The following NRG3 variants were observed in gnomAD, a reference collection of about 807,000 sequenced individuals.
NRG3 encodes neuregulin 3.
NRG3 carries 31 observed loss-of-function variants against 66.9 expected under a neutral mutation model. The ratio of observed to expected loss-of-function variants is 0.46; its 90% confidence interval spans 0.35 to 0.63. NRG3 has a LOEUF of 0.63. NRG3 is among the 20% of genes least tolerant of loss of function. The pLI, the probability that NRG3 is intolerant of heterozygous loss-of-function variation, is 0.00. For synonymous variants in NRG3, 393 were observed against 359.4 expected (o/e 1.09, Z -1.06); for missense variants, 910 against 878.9 (o/e 1.04, Z -0.45).
chr10:82,755,973 C>T (rs2059060962), intron 3 of NRG3, among the ~76,000 whole-genome samples: 1 of 152,124 alleles, frequency 6.6e-6, no homozygotes, highest in Admixed American at 6.6e-5. Context: ...AGTGTTCTTG[C>T]ACCTTGCAGT....
At chr10:82,048,450 C>T (rs1307929371) in intron 1 of NRG3, among the ~76,000 whole-genome samples, 2 of 152,052 alleles carry the variant, frequency 1.3e-5, no homozygotes, top group Admixed American at 6.6e-5. Flanking sequence ...GAGACTCACT[C>T]AAAACCGCAC....
chr10:82,256,790 A>G (rs963729207), intron 1 of NRG3, among the ~76,000 whole-genome samples: 2 of 152,202 alleles, frequency 1.3e-5, no homozygotes, highest in Non-Finnish European at 2.9e-5. Context: ...CCCTTTAGGC[A>G]ATGGAAGAGG....
intron 1 of NRG3, among the ~76,000 whole-genome samples, chr10:82,300,335 G>A (rs920918278): frequency 6.6e-6 from 1 of 152,130 alleles, no homozygotes; most frequent in African/African-American, 2.4e-5. Flanking sequence ...ATTAATAGAT[G>A]ATGGTTTCTT....
At chr10:82,085,626 C>T (rs2065673583) in intron 1 of NRG3, among the ~76,000 whole-genome samples, 1 of 151,962 alleles carries the variant, frequency 6.6e-6, no homozygotes, top group African/African-American at 2.4e-5. Flanking sequence ...AAGACATTAA[C>T]CCATTCACCT....
At chr10:82,363,648 G>A (rs1212719647) in intron 2 of NRG3, among the ~76,000 whole-genome samples, 2 of 151,918 alleles carry the variant, frequency 1.3e-5, no homozygotes, top group Admixed American at 6.6e-5. Context: ...TAGTAGAGAC[G>A]GGGTTTCACT....
chr10:81,952,893 C>T (rs954066071), intron 1 of NRG3, among the ~76,000 whole-genome samples: 8 of 152,066 alleles, frequency 5.3e-5, no homozygotes, highest in Non-Finnish European at 8.8e-5. Context: ...CCACGCTTGG[C>T]CTCAATCCTG....
At chr10:82,739,492 T>C (rs1345569251) in intron 3 of NRG3, among the ~76,000 whole-genome samples, 2 of 152,230 alleles carry the variant, frequency 1.3e-5, no homozygotes, top group Non-Finnish European at 2.9e-5. Context: ...CAGACTTCAG[T>C]AAATATTTTG....
At chr10:82,100,525 C>T (rs964401149) in intron 1 of NRG3, among the ~76,000 whole-genome samples, 2 of 152,008 alleles carry the variant, frequency 1.3e-5, no homozygotes, top group African/African-American at 2.4e-5. Flanking sequence ...CATTTGTTTT[C>T]TTTTGGTGTG....
At chr10:82,145,841 T>C (rs560548023) in intron 1 of NRG3, among the ~76,000 whole-genome samples, 40 of 152,214 alleles carry the variant, frequency 2.6e-4, no homozygotes, top group South Asian at 1.4e-3. Flanking sequence ...GTTTTTTTTT[T>C]CCCATATTCA....
chr10:82,374,679 CTG>C (rs1246888262), intron 2 of NRG3, among the ~76,000 whole-genome samples: 1 of 152,112 alleles, frequency 6.6e-6, no homozygotes, highest in Non-Finnish European at 1.5e-5. Flanking sequence ...CAAGTGATGA[CTG>C]TGCTGTGGGT....
chr10:82,957,423 GA>G (rs754826657), intron 5 of NRG3, among the ~76,000 whole-genome samples: 16 of 151,902 alleles, frequency 1.1e-4, no homozygotes, highest in Admixed American at 7.2e-4. Context: ...CTTTGTCAGA[GA>G]CGTTGGAAGA....
rs561593283 is a variant in NRG3, at chr10:82,821,143, A to G, written c.1028-44268A>G. Among the ~76,000 whole-genome samples the G allele has an allele frequency of 2.0e-5, 3 of 152,252 alleles. No individual in the cohort carries two copies. In the South Asian group the frequency reaches 6.2e-4, roughly 32 times the overall value. On this transcript the variant is annotated intron_variant, in intron 3 of 8. Transcript: ENST00000372141. ...CAAGCACTATCACAGAGTCAGATGGACCTTAACTCACCTGAGCAAAGGCAA... is the reference window on the plus strand; with the variant it reads ...CAAGCACTATCACAGAGTCAGATGGGCCTTAACTCACCTGAGCAAAGGCAA...
intron 1 of NRG3, among the ~76,000 whole-genome samples, chr10:81,934,473 A>C (rs113803646): frequency 6.6e-6 from 1 of 152,296 alleles, no homozygotes; most frequent in Non-Finnish European, 1.5e-5. Flanking sequence ...TAAAGCTTCT[A>C]TCATACAACA....
chr10:82,270,458 G>A (rs1287547246), intron 1 of NRG3, among the ~76,000 whole-genome samples: 1 of 152,062 alleles, frequency 6.6e-6, no homozygotes, highest in African/African-American at 2.4e-5. Context: ...GGCTGTCTAT[G>A]CATTTCCTCT....
chr10:82,635,968 CT>C (rs1194524909), intron 2 of NRG3, among the ~76,000 whole-genome samples: 1 of 152,058 alleles, frequency 6.6e-6, no homozygotes, highest in Non-Finnish European at 1.5e-5. Context: ...TGTAGAGTGG[CT>C]TCGTGCGTAG....
chr10:82,044,689 T>C (rs1309400974), intron 1 of NRG3, among the ~76,000 whole-genome samples: 1 of 152,084 alleles, frequency 6.6e-6, no homozygotes, highest in African/African-American at 2.4e-5. Context: ...ACTCTTCATT[T>C]AGCATTAGGT....
Position 82,979,129 on chromosome 10 carries a change from T to TA in NRG3, c.1583+13dup. 1 of 1,613,572 alleles carries TA rather than the reference T, an allele frequency of 6.2e-7. No individual in the cohort carries two copies. Among genetic ancestry groups the TA allele is most frequent in the Non-Finnish European group, 8.5e-7 (1 of 1,179,646 alleles). Reference sequence around the variant, plus strand: ...ACGATACCTTGCCAAGGGTAGGTCTTAAAACAGCAGTGGAATTTAGGGAGG... The same window carrying TA: ...ACGATACCTTGCCAAGGGTAGGTCTTAAAAACAGCAGTGGAATTTAGGGAGG... On this transcript the variant is annotated intron_variant, in intron 8 of 8. Coordinates refer to ENST00000372141, the MANE Select transcript of NRG3 (RefSeq NM_001010848.4).
At chr10:82,906,148 T>C (rs867627089) in intron 4 of NRG3, among the ~76,000 whole-genome samples, 2 of 152,208 alleles carry the variant, frequency 1.3e-5, no homozygotes, top group African/African-American at 2.4e-5. Context: ...AGCAGTATGT[T>C]GGGGCTTCTC....
chr10:82,985,460 A>T lies in NRG3; in HGVS notation c.1946A>T (p.Asp649Val). The part of the protein sequence containing the change: ...RILTDARRSE[D>V]YELASVETED... Reference sequence around the variant, plus strand: ...CTGACTGATGCCAGACGGTCAGAAGACTACGAACTGGCCAGCGTAGAAACC... The same window carrying T: ...CTGACTGATGCCAGACGGTCAGAAGTCTACGAACTGGCCAGCGTAGAAACC... Residue 649 changes from aspartate to valine, a missense_variant, in exon 9 of 9, where the codon GAC becomes GTC. By Grantham distance (152) the Asp-to-Val change is radical. Transcript: ENST00000372141. 1.2e-6 allele frequency: 2 copies of T among 1,614,124 alleles called. No homozygotes were observed. Among genetic ancestry groups the T allele is most frequent in the Non-Finnish European group, 1.7e-6 (2 of 1,180,008 alleles).
Sources: gnomAD v4.1 joint callset for allele counts (sites outside exome capture counted in the v4.1 genomes callset) on GRCh38, gnomAD v4.1.1 for gene constraint, MANE v1.5 for transcripts, NCBI Gene and HGNC (gene_info 2026-07-23, HGNC 2026-07-21) for gene names.